Variants in SCNN1B observed in about 807,000 individuals in gnomAD.
The protein encoded by SCNN1B is epithelial sodium channel subunit beta.
SCNN1B carries 46 observed loss-of-function variants against 65.3 expected under a neutral mutation model. The ratio of observed to expected loss-of-function variants is 0.70; its 90% CI spans 0.56 to 0.90. SCNN1B has a LOEUF of 0.90. Ranked by LOEUF, SCNN1B falls within the 40% of genes least tolerant of loss-of-function variation. SCNN1B has a pLI of 0.00. For missense variants in SCNN1B, 751 were observed against 830.5 expected (o/e 0.90, Z 1.18); for synonymous variants, 349 against 330.6 (o/e 1.06, Z -0.60).
At chr16:23,360,563 A>G (rs939968390) in intron 4 of SCNN1B, among the ~76,000 whole-genome samples, 5 of 146,262 alleles carry the variant, frequency 3.4e-5, no homozygotes, top group African/African-American at 1.3e-4. Flanking sequence ...ATATAGAGAG[A>G]GAGACTTTGT....
Position 23,360,213 on chromosome 16 carries a change from T to A in SCNN1B, c.776+4724T>A, listed in dbSNP as rs8047229. The stretch of plus-strand genomic sequence containing the variant: ...ACTCCATCTCAAAAAAATAAATAAA[T>A]AAATAAATAAATAAACAAATAAATA... On this transcript the variant is annotated intron_variant, in intron 4 of 12. Transcript: ENST00000343070. Among the ~76,000 whole-genome samples, 645 of 150,146 alleles carry A rather than the reference T, an allele frequency of 4.3e-3. 6 individuals are homozygous for A. The highest frequency in any genetic ancestry group is 0.014 in the African/African-American group (571 of 40,936).
upstream of SCNN1B, among the ~76,000 whole-genome samples, chr16:23,300,622 G>A (rs1048283721): frequency 1.3e-5 from 2 of 151,950 alleles, no homozygotes; most frequent in Non-Finnish European, 2.9e-5. Context: ...GATTGCTTGA[G>A]GCCAGGTATT....
intron 1 of SCNN1B, among the ~76,000 whole-genome samples, chr16:23,341,903 T>C (rs1271872579): frequency 1.3e-5 from 2 of 152,238 alleles, no homozygotes; most frequent in Admixed American, 1.3e-4. Flanking sequence ...GCAGCCATTT[T>C]GGAAAACAGT....
intron 11 of SCNN1B, among the ~76,000 whole-genome samples, 164 bp from the exon 12 acceptor site, chr16:23,379,930 G>A (rs943068128): frequency 1.3e-5 from 2 of 152,214 alleles, no homozygotes; most frequent in African/African-American, 2.4e-5. Context: ...ATCCCTGGCT[G>A]CCTTCCTGTG....
At position 23,380,941 on chromosome 16, in the gene SCNN1B, G is replaced by A; in HGVS notation, c.*140G>A. On this transcript the variant is annotated 3_prime_UTR_variant, in exon 13 of 13. Coordinates refer to ENST00000343070, the MANE Select transcript of SCNN1B (RefSeq NM_000336.3). This position sits in a 1 kb window ranked among gnomAD's most constrained non-coding sequence, Gnocchi z 5.4. The stretch of plus-strand genomic sequence containing the variant: ...AGAGCTTGTGTCCTTCAACAGAGAG[G>A]CCAGCGGCAACTGGTCCGTTACTGG... 1 of 920,146 alleles carries A rather than the reference G, an allele frequency of 1.1e-6. No individual in the cohort carries two copies. Among genetic ancestry groups the A allele is most frequent in the South Asian group, 1.3e-5 (1 of 75,628 alleles). The allele number at this position is 920,146 out of a possible 1,614,324, so 57.0% of individuals were successfully genotyped here.
At chr16:23,377,582 C>T (rs62029389) in intron 10 of SCNN1B, among the ~76,000 whole-genome samples, 196 bp downstream of exon 10, 277 of 44,674 alleles carry the variant, frequency 6.2e-3, no homozygotes, top group African/African-American at 9.4e-3. Flanking sequence ...TTCCCTTCCT[C>T]CCTCCCTTCT....
intron 1 of SCNN1B, among the ~76,000 whole-genome samples, chr16:23,309,112 G>A (rs1264205054): frequency 6.6e-6 from 1 of 152,160 alleles, no homozygotes; most frequent in Non-Finnish European, 1.5e-5. Flanking sequence ...GTCCCTCTCG[G>A]TCCTGGAGCT....
intron 1 of SCNN1B, among the ~76,000 whole-genome samples, chr16:23,316,782 A>G (rs562490623): frequency 1.5e-5 from 2 of 132,170 alleles, no homozygotes; most frequent in African/African-American, 5.8e-5. Flanking sequence ...ACCATCATCA[A>G]CACCATCACT....
intron 1 of SCNN1B, among the ~76,000 whole-genome samples, chr16:23,324,955 TGG>T (rs1221272015): frequency 2.0e-5 from 3 of 152,234 alleles, no homozygotes; most frequent in Non-Finnish European, 2.9e-5. Context: ...TGGGGCCTGG[TGG>T]GCAGGGTGTT....
At chr16:23,291,505 G>A (rs1292921426) in intron 2 of SCNN1B, among the ~76,000 whole-genome samples, 1 of 137,668 alleles carries the variant, frequency 7.3e-6, no homozygotes, top group Non-Finnish European at 1.6e-5. Context: ...TGTGTGTGTA[G>A]GTATACATAC....
At chr16:23,371,036 G>A (rs1596882065) in intron 5 of SCNN1B, among the ~76,000 whole-genome samples, 1 of 152,230 alleles carries the variant, frequency 6.6e-6, no homozygotes. Flanking sequence ...ATGCCTCCTT[G>A]ATCTACCTCC....
chr16:23,318,311 G>A (rs889649140), intron 1 of SCNN1B, among the ~76,000 whole-genome samples: 1 of 152,082 alleles, frequency 6.6e-6, no homozygotes, highest in Non-Finnish European at 1.5e-5. Flanking sequence ...TAAAAAACAG[G>A]TGTATACTAA....
chr16:23,311,561 A>G (rs915113424), intron 1 of SCNN1B, among the ~76,000 whole-genome samples: 1 of 152,316 alleles, frequency 6.6e-6, no homozygotes, highest in Non-Finnish European at 1.5e-5. Context: ...ATTGGAAAAC[A>G]CTACCACCAT....
intron 11 of SCNN1B, among the ~76,000 whole-genome samples, chr16:23,379,328 AG>A (rs1044828476): frequency 3.9e-5 from 6 of 152,076 alleles, no homozygotes; most frequent in African/African-American, 1.5e-4. Flanking sequence ...GCAGGAGTCT[AG>A]GGGGCAAACA....
chr16:23,345,066 G>A (rs1478379376), intron 1 of SCNN1B, among the ~76,000 whole-genome samples: 3 of 152,158 alleles, frequency 2.0e-5, no homozygotes, highest in Non-Finnish European at 2.9e-5. Context: ...TCATGCTTTG[G>A]CCAAGACTCC....
At chr16:23,333,880 G>T (rs1961881023) in intron 1 of SCNN1B, among the ~76,000 whole-genome samples, 1 of 152,070 alleles carries the variant, frequency 6.6e-6, no homozygotes, top group Non-Finnish European at 1.5e-5. Context: ...GTCATGGATT[G>T]AGCCCCTTCC....
intron 1 of SCNN1B, among the ~76,000 whole-genome samples, chr16:23,325,509 T>C (rs1961676862): frequency 6.6e-6 from 1 of 150,448 alleles, no homozygotes; most frequent in South Asian, 2.1e-4. Context: ...TCAAGTGATC[T>C]GCTCACTTCA....
intron 1 of SCNN1B, among the ~76,000 whole-genome samples, chr16:23,321,041 C>CTTTAT (rs1315415435): frequency 3.3e-5 from 5 of 152,096 alleles, no homozygotes; most frequent in Admixed American, 3.3e-4. Flanking sequence ...TCTTCCTGGA[C>CTTTAT]TTTATTTTAT....
chr16:23,292,075 G>A (rs2141970906), intron 2 of SCNN1B, among the ~76,000 whole-genome samples: 1 of 152,000 alleles, frequency 6.6e-6, no homozygotes, highest in East Asian at 1.9e-4. Flanking sequence ...CAGAATCTGG[G>A]CACCTCCACG....
Sources: allele counts gnomAD v4.1 joint callset (sites outside exome capture counted in the v4.1 genomes callset), GRCh38; gene constraint gnomAD v4.1.1; non-coding constraint Gnocchi (gnomAD v3.1); transcripts MANE v1.5; gene names NCBI Gene and HGNC (gene_info 2026-07-23, HGNC 2026-07-21).